The following PLA2G7 variants were observed in gnomAD, a reference collection of about 807,000 sequenced individuals.
PLA2G7 encodes the protein phospholipase A2 group VII.
Under a neutral mutation model 49.6 loss-of-function variants are expected in PLA2G7, and 63 were observed. The observed-to-expected ratio is 1.27, with a 90% confidence interval of 1.04 to 1.57. The LOEUF is 1.57. PLA2G7 is among the 40% of genes most tolerant of loss of function. PLA2G7 has a pLI of 0.00. For missense variants in PLA2G7, 596 were observed against 521.2 expected, an observed-to-expected ratio of 1.14 and a Z score of -1.40; for synonymous variants, 193 against 169.9, an observed-to-expected ratio of 1.14 and a Z score of -1.06.
In PLA2G7 at chr6:46,724,497, A is replaced by G. The variant is rs1286480594; in HGVS notation, c.-34-1572T>C. Reference sequence around the variant, plus strand: ...TATAGCTATTTTGCGGGAAGATGTAATATAGATGTGTGGCACAGACAATGA... The same window carrying G: ...TATAGCTATTTTGCGGGAAGATGTAGTATAGATGTGTGGCACAGACAATGA... On this transcript the variant is annotated intron_variant, in intron 1 of 11. Transcript: ENST00000274793. Among the ~76,000 whole-genome samples, 6 of 152,348 alleles carry G rather than the reference A, an allele frequency of 3.9e-5. No homozygotes were observed. In the East Asian group the frequency reaches 1.2e-3, roughly 29 times the overall value.
At chr6:46,724,246 G>T (rs746790560) in intron 1 of PLA2G7, among the ~76,000 whole-genome samples, 2 of 152,112 alleles carry the variant, frequency 1.3e-5, no homozygotes, top group Non-Finnish European at 2.9e-5. Flanking sequence ...TATGTTATTT[G>T]TTAGTTGTTT....
At chr6:46,727,014 A>G (rs1291629582) in intron 1 of PLA2G7, among the ~76,000 whole-genome samples, 91 of 152,260 alleles carry the variant, frequency 6.0e-4, no homozygotes, top group Non-Finnish European at 8.8e-5. Flanking sequence ...ACTATCTTCA[A>G]TTTGGCCCCT....
rs1384120036 is a variant in PLA2G7 at position 46,711,599 on chromosome 6, G to A, written c.560C>T (p.Thr187Ile). Residue 187 changes from threonine to isoleucine, a missense_variant, in exon 7 of 12, where the codon ACT becomes ATT. Coordinates refer to ENST00000274793, the MANE Select transcript of PLA2G7 (RefSeq NM_005084.4). The part of the protein sequence containing the change: ...VEHRDRSASA[T>I]YYFKDQSAAE... ...AGCAGATTGGTCCTTGAAATAGTAA[G>A]TTGCAGATGCAGATCTATCTCTATA... 6.2e-7 allele frequency: 1 copy of A among 1,613,638 alleles called. No individual in the cohort carries two copies. Among genetic ancestry groups the A allele is most frequent in the East Asian group, 2.2e-5 (1 of 44,866 alleles).
chr6:46,721,777 TA>T (rs1165420272), intron 2 of PLA2G7, among the ~76,000 whole-genome samples: 1 of 151,900 alleles, frequency 6.6e-6, no homozygotes, highest in Admixed American at 6.6e-5. Flanking sequence ...ATATAAGATA[TA>T]AAACCTCTCC....
chr6:46,717,844 T>C (rs1027259402), intron 2 of PLA2G7, among the ~76,000 whole-genome samples: 16 of 151,818 alleles, frequency 1.1e-4, no homozygotes, highest in African/African-American at 3.9e-4. Flanking sequence ...CCTGAGTAGC[T>C]GGGATTACAG....
At chr6:46,711,825 A>G (rs557583775) in intron 6 of PLA2G7, among the ~76,000 whole-genome samples, 1 of 152,226 alleles carries the variant, frequency 6.6e-6, no homozygotes, top group East Asian at 1.9e-4. Context: ...TTGCAGGTAA[A>G]CTCAATCCAT....
chr6:46,713,462 G>A (rs548221706), intron 5 of PLA2G7, among the ~76,000 whole-genome samples: 2 of 152,188 alleles, frequency 1.3e-5, no homozygotes, highest in African/African-American at 4.8e-5. Context: ...GTGTGGCTGT[G>A]TTCTAATAAA....
intron 7 of PLA2G7, 84 bp from the exon 8 acceptor site, chr6:46,710,742 G>GA: frequency 1.9e-6 from 2 of 1,070,718 alleles, no homozygotes; most frequent in East Asian, 2.4e-5. Context: ...CTGTATTTGG[G>GA]AAAAATCGTT....
chr6:46,705,271 G>A lies in PLA2G7; in HGVS notation c.1071C>T (p.Phe357=). Residue 357 remains phenylalanine, a synonymous_variant, in exon 11 of 12, where the codon TTC becomes TTT. Transcript: ENST00000274793. ...CAATTATTTTGCCAGTTGCAAAAGTGAAGTCAGCAAAATTCTGGTGGACTG... is the reference window on the plus strand; with the variant it reads ...CAATTATTTTGCCAGTTGCAAAAGTAAAGTCAGCAAAATTCTGGTGGACTG... The part of the protein sequence containing the change: ...RGSVHQNFAD[F]TFATGKIIGH... 6.2e-7 allele frequency: 1 copy of A among 1,612,284 alleles called. No individual in the cohort carries two copies. Among genetic ancestry groups the A allele is most frequent in the Non-Finnish European group, 8.5e-7 (1 of 1,178,586 alleles).
chr6:46,712,653 A>C lies in PLA2G7; in HGVS notation c.471-316T>G, dbSNP rs955754352. ...AGATTATCTGGTCCAAAATGTCAAG[A>C]CTACTAAAGTTGAGAAAACCCAGGG... On this transcript the variant is annotated intron_variant, in intron 5 of 11. Transcript: ENST00000274793. Among the ~76,000 whole-genome samples, 3 of 152,228 alleles carry C rather than the reference A, an allele frequency of 2.0e-5. No individual in the cohort carries two copies. The South Asian group carries it at 6.2e-4, about 31-fold the overall frequency.
intron 3 of PLA2G7, among the ~76,000 whole-genome samples, chr6:46,716,756 T>C (rs1029170824): frequency 6.6e-6 from 1 of 152,138 alleles, no homozygotes; most frequent in Non-Finnish European, 1.5e-5. Flanking sequence ...GCTTCAGGTA[T>C]TAAGGAAGTG....
chr6:46,716,718 T>C (rs1765213762), intron 3 of PLA2G7, among the ~76,000 whole-genome samples, 190 bp from the exon 4 acceptor site: 1 of 152,120 alleles, frequency 6.6e-6, no homozygotes, highest in Non-Finnish European at 1.5e-5. Flanking sequence ...ATATTCTATC[T>C]CAGTGAAAGG....
chr6:46,729,806 C>T (rs966459184), intron 1 of PLA2G7, among the ~76,000 whole-genome samples: 8 of 152,190 alleles, frequency 5.3e-5, no homozygotes, highest in East Asian at 1.9e-4. Context: ...CTAAATATTA[C>T]GTCTCCAGAC....
At chr6:46,732,804 C>T (rs147067799) in intron 1 of PLA2G7, among the ~76,000 whole-genome samples, 5 of 152,090 alleles carry the variant, frequency 3.3e-5, no homozygotes, top group Middle Eastern at 3.2e-3. Context: ...AGGTGGCTGG[C>T]GTCATGAAGA....
chr6:46,725,434 G>C (rs894215293), intron 1 of PLA2G7, among the ~76,000 whole-genome samples: 2 of 152,028 alleles, frequency 1.3e-5, no homozygotes, highest in South Asian at 4.1e-4. Flanking sequence ...GTTTCACCAT[G>C]TTGGCCAGGA....
At chr6:46,716,948 G>T in intron 3 of PLA2G7, 27 bp downstream of exon 3, 1 of 1,607,312 alleles carries the variant, frequency 6.2e-7, no homozygotes, top group Middle Eastern at 1.7e-4. Context: ...AGAGTATCAG[G>T]ATAAGTTGTA....
intron 1 of PLA2G7, among the ~76,000 whole-genome samples, chr6:46,728,501 C>A (rs1765636784): frequency 6.6e-6 from 1 of 152,166 alleles, no homozygotes; most frequent in Admixed American, 6.5e-5. Flanking sequence ...TTATTTCATT[C>A]TAGGGAGGCA....
chr6:46,705,822 T>C (rs910383858), intron 10 of PLA2G7, among the ~76,000 whole-genome samples: 3 of 152,250 alleles, frequency 2.0e-5, no homozygotes, highest in Non-Finnish European at 4.4e-5. Flanking sequence ...TGTAAATTCA[T>C]CAATAGCCTA....
At chr6:46,717,498 A>G (rs144971264) in intron 2 of PLA2G7, among the ~76,000 whole-genome samples, 121 of 151,516 alleles carry the variant, frequency 8.0e-4, no homozygotes, top group Admixed American at 2.2e-3. Context: ...TGTCCTTCCC[A>G]TAAGAATGTC....
Sources: gnomAD v4.1 joint callset for allele counts (sites outside exome capture counted in the v4.1 genomes callset) on GRCh38, gnomAD v4.1.1 for gene constraint, MANE v1.5 for transcripts, NCBI Gene and HGNC (gene_info 2026-07-23, HGNC 2026-07-21) for gene names.